UTP6: variants seen among roughly 807,000 people sequenced by gnomAD.
UTP6 encodes UTP6 small subunit processome component, also known as U3 small nucleolar RNA-associated protein 6 homolog.
In UTP6, 60 loss-of-function variants were observed where a neutral mutation model predicts 96.5. The observed-to-expected ratio is 0.62, with a 90% CI of 0.51 to 0.77. The LOEUF is 0.77. Among genes scored for constraint, UTP6 ranks in the 30% least tolerant of loss-of-function variants. UTP6 has a pLI of 0.00. For synonymous variants in UTP6, 215 were observed against 240.1 expected, an observed-to-expected ratio of 0.90 and a Z score of 0.96; for missense variants, 637 against 706.5, an observed-to-expected ratio of 0.90 and a Z score of 1.12.
intron 8 of UTP6, 54 bp downstream of exon 8, chr17:31,887,182 G>A (rs902984843): frequency 2.0e-6 from 3 of 1,479,018 alleles, no homozygotes; most frequent in Admixed American, 1.7e-5. Context: ...TCCTAAGCAG[G>A]CTCAAAATGT....
At chr17:31,877,429 C>T (rs1021680533) in intron 13 of UTP6, among the ~76,000 whole-genome samples, 36 of 152,190 alleles carry the variant, frequency 2.4e-4, no homozygotes, top group African/African-American at 8.4e-4. Context: ...TTCCCTACCA[C>T]CCATAGAGCC....
At chr17:31,894,494 C>T (rs1904519594) in intron 4 of UTP6, 151 bp downstream of exon 4, 3 of 596,794 alleles carry the variant, frequency 5.0e-6, no homozygotes, top group Admixed American at 6.2e-5. Context: ...TGTTAAGTGG[C>T]TCAAAAAATG....
chr17:31,872,873 T>C (rs1910265610), intron 16 of UTP6, among the ~76,000 whole-genome samples: 1 of 148,868 alleles, frequency 6.7e-6, no homozygotes, highest in Admixed American at 6.7e-5. Context: ...GTCACACATC[T>C]GTAATCCCAG....
At chr17:31,863,543 ATAACTGACAGAGTGTTATTAGGTAACC>A (rs776254092) in intron 18 of UTP6, 27 bp from the exon 19 acceptor site, 2 of 1,577,392 alleles carry the variant, frequency 1.3e-6, no homozygotes, top group Non-Finnish European at 1.7e-6. Context: ...ATACAATTAG[ATAACTGACAGAGTGTTATTAGGTAACC>A]TTATTAAATA....
chr17:31,871,248 T>C (rs890843803), intron 16 of UTP6, among the ~76,000 whole-genome samples: 2 of 151,882 alleles, frequency 1.3e-5, no homozygotes, highest in Admixed American at 1.3e-4. Context: ...CGCCTCGGCC[T>C]CCTAAAGTGC....
chr17:31,878,602 GT>G (rs1480303030), intron 12 of UTP6, 99 bp downstream of exon 12: 2 of 1,177,026 alleles, frequency 1.7e-6, no homozygotes, highest in Non-Finnish European at 1.2e-6. Flanking sequence ...AAACATAAAA[GT>G]TCTCAGAAAC....
At chr17:31,894,767 C>T in intron 3 of UTP6, 30 bp from the exon 4 acceptor site, 1 of 1,560,786 alleles carries the variant, frequency 6.4e-7, no homozygotes, top group South Asian at 1.1e-5. Flanking sequence ...AACAGAGCCT[C>T]AACTTAATCA....
intron 16 of UTP6, among the ~76,000 whole-genome samples, chr17:31,870,990 T>G (rs1471174555): frequency 1.6e-4 from 2 of 12,582 alleles, no homozygotes; most frequent in Admixed American, 8.2e-4. Context: ...TTTTTAAGTT[T>G]TTTTTTTTTT....
intron 4 of UTP6, among the ~76,000 whole-genome samples, chr17:31,893,934 G>T (rs2142322234): frequency 6.6e-6 from 1 of 151,768 alleles, no homozygotes; most frequent in South Asian, 2.1e-4. Context: ...TCTCAATCTG[G>T]GGTAGCAATA....
intron 12 of UTP6, 92 bp downstream of exon 12, chr17:31,878,610 A>G (rs1178015380): frequency 5.7e-6 from 7 of 1,237,196 alleles, no homozygotes; most frequent in Non-Finnish European, 8.1e-6. Context: ...AAGTTCTCAG[A>G]AACTGTGCCA....
chr17:31,863,685 G>A (rs1385084093), intron 18 of UTP6, among the ~76,000 whole-genome samples, 169 bp from the exon 19 acceptor site: 1 of 152,092 alleles, frequency 6.6e-6, no homozygotes, highest in East Asian at 1.9e-4. Flanking sequence ...TATAGTGGCA[G>A]GTTTTGGTTT....
At chr17:31,878,383 C>T (rs1186559579) in intron 12 of UTP6, 56 bp from the exon 13 acceptor site, 3 of 1,539,474 alleles carry the variant, frequency 1.9e-6, no homozygotes, top group Non-Finnish European at 2.7e-6. Context: ...GGGCCTCTGG[C>T]CTCTGACATG....
At chr17:31,893,219 T>C (rs1178208803) in intron 4 of UTP6, among the ~76,000 whole-genome samples, 2 of 152,066 alleles carry the variant, frequency 1.3e-5, no homozygotes, top group Admixed American at 6.6e-5. Flanking sequence ...ATCGGGCCAC[T>C]GCACTCCAGC....
chr17:31,885,617 G>A (rs1567787630), intron 9 of UTP6, among the ~76,000 whole-genome samples: 1 of 151,662 alleles, frequency 6.6e-6, no homozygotes, highest in African/African-American at 2.4e-5. Context: ...GTGAAACTAC[G>A]TCTCTACTAA....
At chr17:31,884,758 T>C in intron 9 of UTP6, 1 of 367,384 alleles carries the variant, frequency 2.7e-6, no homozygotes, top group Non-Finnish European at 5.0e-6. Context: ...AATTACTCCA[T>C]GAGAACTTAC....
rs181464513 is a variant in UTP6, at chr17:31,895,168, T to G, written c.178-157A>C. Among the ~76,000 whole-genome samples, 6 of 152,334 alleles carry G rather than the reference T, an allele frequency of 3.9e-5. No individual in the cohort carries two copies. In the East Asian group the frequency reaches 9.6e-4, roughly 24 times the overall value. On this transcript the variant is annotated intron_variant, in intron 2 of 18. Coordinates refer to ENST00000261708, the MANE Select transcript of UTP6 (RefSeq NM_018428.3). ...TTACAATAAATGTCTAGAACTCACT[T>G]AAAATTCACTTAGCTATAAAACTTA...
In UTP6 at chr17:31,863,239, C is replaced by T. The variant is rs1386338157; in HGVS notation, c.*120G>A. The T allele has an allele frequency of 5.6e-6, 6 of 1,067,018 alleles. No homozygotes were observed. The East Asian group carries it at 1.4e-4, about 26-fold the overall frequency. The allele number at this position is 1,067,018 out of a possible 1,614,324, so 66.1% of individuals were successfully genotyped here. A position where few individuals can be genotyped will look rare whatever the true frequency, so the allele number is the denominator to read the frequency against. Reference sequence around the variant, plus strand: ...GTTAACATAAAATTAAAGTGTGTCTCAAAACCAGACAGCCATCTTGTCTGC... The same window carrying T: ...GTTAACATAAAATTAAAGTGTGTCTTAAAACCAGACAGCCATCTTGTCTGC... On this transcript the variant is annotated 3_prime_UTR_variant, in exon 19 of 19. Transcript: ENST00000261708.
At position 31,887,098 on chromosome 17, in the gene UTP6, G is replaced by A. The variant is rs971154864; in HGVS notation, c.621+138C>T. The A allele has an allele frequency of 5.8e-6, 4 of 690,520 alleles. No individual in the cohort carries two copies. The African/African-American group carries it at 7.2e-5, about 12-fold the overall frequency. 42.8% of individuals were successfully genotyped at this position (690,520 alleles called of 1,614,324 possible). On this transcript the variant is annotated intron_variant, in intron 8 of 18. Coordinates refer to ENST00000261708, the MANE Select transcript of UTP6 (RefSeq NM_018428.3). ...AGATGGTGCCACTGCACTCCAGCCT[G>A]TGTGACAGACCGAGACTCCGTCTCA...
chr17:31,869,050 G>A (rs1161203615), intron 16 of UTP6, among the ~76,000 whole-genome samples: 1 of 152,174 alleles, frequency 6.6e-6, no homozygotes, highest in Admixed American at 6.5e-5. Flanking sequence ...GGCGGAGGCT[G>A]CAGGGAGCCA....
Sources: allele counts gnomAD v4.1 joint callset (sites outside exome capture counted in the v4.1 genomes callset), GRCh38; gene constraint gnomAD v4.1.1; transcripts MANE v1.5; gene names NCBI Gene and HGNC (gene_info 2026-07-23, HGNC 2026-07-21).